GRID2: variants seen among roughly 807,000 people sequenced by gnomAD.
The protein encoded by GRID2 is glutamate receptor ionotropic, delta-2.
A neutral mutation model predicts 114.8 loss-of-function variants in GRID2; 33 were observed. The ratio of observed to expected loss-of-function variants is 0.29; its 90% CI spans 0.22 to 0.38. The LOEUF is 0.38. GRID2 is among the 10% of genes least tolerant of loss of function. GRID2 has a pLI of 1.00. For missense variants in GRID2, 1,184 were observed against 1,257.7 expected, an observed-to-expected ratio of 0.94 and a Z score of 0.89; for synonymous variants, 505 against 449.9, an observed-to-expected ratio of 1.12 and a Z score of -1.55.
At chr4:92,751,615 T>C (rs1226429929) in intron 2 of GRID2, among the ~76,000 whole-genome samples, 1 of 152,246 alleles carries the variant, frequency 6.6e-6, no homozygotes, top group East Asian at 1.9e-4. Context: ...ATATGTGCTA[T>C]AACTCAGTTT....
At chr4:92,644,201 T>C (rs762308015) in intron 2 of GRID2, among the ~76,000 whole-genome samples, 18 of 151,788 alleles carry the variant, frequency 1.2e-4, no homozygotes, top group Admixed American at 2.6e-4. Context: ...TCTATAAGTA[T>C]TGTAGCCATG....
intron 2 of GRID2, among the ~76,000 whole-genome samples, chr4:92,764,447 A>T (rs1738164795): frequency 6.6e-6 from 1 of 152,134 alleles, no homozygotes; most frequent in African/African-American, 2.4e-5. Context: ...CCCATTGCTC[A>T]GAGTACCCAA....
chr4:93,205,130 A>T (rs1742553421), intron 4 of GRID2, among the ~76,000 whole-genome samples: 3 of 151,874 alleles, frequency 2.0e-5, no homozygotes, highest in South Asian at 4.1e-4. Flanking sequence ...TTGTTAATAA[A>T]TTTTTCATTA....
At chr4:92,485,339 TATATATATA>T (rs1156502788) in intron 1 of GRID2, among the ~76,000 whole-genome samples, 237 of 85,026 alleles carry the variant, frequency 2.8e-3, no homozygotes, top group East Asian at 0.011. Flanking sequence ...TATATATATA[TATATATATA>T]GTGTGTGTGT....
chr4:93,697,881 T>TATATATATA (rs1727177390), intron 14 of GRID2, among the ~76,000 whole-genome samples: 2 of 52,618 alleles, frequency 3.8e-5, no homozygotes, highest in African/African-American at 1.7e-4. Context: ...ATATATATAT[T>TATATATATA]TCAAAACAAT....
chr4:93,553,060 C>T (rs919831408), intron 13 of GRID2, among the ~76,000 whole-genome samples: 1 of 152,080 alleles, frequency 6.6e-6, no homozygotes, highest in Non-Finnish European at 1.5e-5. Context: ...GGTTCCAAGT[C>T]TTTGCTATTG....
rs192595947 is a variant in GRID2 at position 93,709,801 on chromosome 4, A to C, written c.2361-59409A>C. On this transcript the variant is annotated intron_variant, in intron 14 of 15. Transcript: ENST00000282020. ...ATCTCTTCTGACTGTATGTTTAAATAGTCTATCTTCAAGCTCATTCATTCT... is the reference window on the plus strand; with the variant it reads ...ATCTCTTCTGACTGTATGTTTAAATCGTCTATCTTCAAGCTCATTCATTCT... 4.6e-4 allele frequency among the ~76,000 whole-genome samples: 70 copies of C among 152,228 alleles called. 1 individual carries two copies. The East Asian group carries it at 0.011, about 23-fold the overall frequency.
intron 1 of GRID2, among the ~76,000 whole-genome samples, chr4:92,462,972 C>T (rs1560647561): frequency 6.6e-6 from 1 of 151,864 alleles, no homozygotes; most frequent in Non-Finnish European, 1.5e-5. Flanking sequence ...CCACAAAAGT[C>T]CTGTTTACAT....
At chr4:92,946,774 A>C (rs1268238817) in intron 2 of GRID2, among the ~76,000 whole-genome samples, 1 of 152,090 alleles carries the variant, frequency 6.6e-6, no homozygotes, top group Non-Finnish European at 1.5e-5. Context: ...AAGTCACCTG[A>C]AGAACTTGGT....
At chr4:92,521,679 G>T (rs1724787590) in intron 1 of GRID2, among the ~76,000 whole-genome samples, 1 of 152,036 alleles carries the variant, frequency 6.6e-6, no homozygotes, top group South Asian at 2.1e-4. Context: ...TGATAAACCA[G>T]CATGATAAGA....
At chr4:93,551,118 G>A (rs978461093) in intron 13 of GRID2, among the ~76,000 whole-genome samples, 8 of 152,140 alleles carry the variant, frequency 5.3e-5, no homozygotes, top group South Asian at 4.1e-4. Context: ...TTAGAAGAGC[G>A]CCTAGTGCAT....
At position 92,373,906 on chromosome 4, in the gene GRID2, A is replaced by T. The variant is rs150103847; in HGVS notation, c.88+69162A>T. 7.8e-4 allele frequency among the ~76,000 whole-genome samples: 119 copies of T among 152,264 alleles called. 2 individuals are homozygous for T. In the East Asian group the frequency reaches 0.021, roughly 27 times the overall value. ...GGTGACATACAAAGGTCATACAGCT[A>T]GTAAGGAGCAAGTACAGGATTCTAA... On this transcript the variant is annotated intron_variant, in intron 1 of 15. Coordinates refer to ENST00000282020, the MANE Select transcript of GRID2 (RefSeq NM_001510.4).
chr4:92,945,713 T>C (rs1184817465), intron 2 of GRID2, among the ~76,000 whole-genome samples: 2 of 152,122 alleles, frequency 1.3e-5, no homozygotes, highest in African/African-American at 4.8e-5. Context: ...GTTTTGAAAG[T>C]GGGAAGTTTA....
intron 1 of GRID2, among the ~76,000 whole-genome samples, chr4:92,321,717 C>A (rs1192431048): frequency 6.6e-6 from 1 of 152,036 alleles, no homozygotes. Context: ...AATTTAGAAT[C>A]AATGGAGCAT....
intron 4 of GRID2, among the ~76,000 whole-genome samples, chr4:93,139,452 G>A (rs1328717649): frequency 1.3e-5 from 2 of 152,140 alleles, no homozygotes; most frequent in Non-Finnish European, 2.9e-5. Context: ...GGATGATGGA[G>A]GTAGATCTGG....
chr4:93,570,971 A>G (rs1388613828), intron 13 of GRID2, among the ~76,000 whole-genome samples: 1 of 152,090 alleles, frequency 6.6e-6, no homozygotes, highest in Non-Finnish European at 1.5e-5. Context: ...TCTTTCATTC[A>G]TCCATTTATT....
At chr4:92,432,627 C>T (rs1373211422) in intron 1 of GRID2, among the ~76,000 whole-genome samples, 1 of 152,112 alleles carries the variant, frequency 6.6e-6, no homozygotes, top group Non-Finnish European at 1.5e-5. Flanking sequence ...GCCTGAGTCT[C>T]TCTCTTCACT....
At chr4:92,396,309 T>C (rs1156793131) in intron 1 of GRID2, among the ~76,000 whole-genome samples, 3 of 151,938 alleles carry the variant, frequency 2.0e-5, no homozygotes, top group African/African-American at 4.8e-5. Flanking sequence ...TGCATTATAT[T>C]TTAAGAAAAA....
At chr4:92,350,068 A>C (rs1335327019) in intron 1 of GRID2, among the ~76,000 whole-genome samples, 1 of 151,906 alleles carries the variant, frequency 6.6e-6, no homozygotes, top group African/African-American at 2.4e-5. Context: ...TTAGTTCTAT[A>C]AGTGACCGTA....
Sources: gnomAD v4.1 joint callset for allele counts (sites outside exome capture counted in the v4.1 genomes callset) on GRCh38, gnomAD v4.1.1 for gene constraint, MANE v1.5 for transcripts, NCBI Gene and HGNC (gene_info 2026-07-23, HGNC 2026-07-21) for gene names.